The following PNPLA7 variants were observed in gnomAD, a reference collection of about 807,000 sequenced individuals.
The protein encoded by PNPLA7 is patatin like domain 7, lysophospholipase.
PNPLA7 carries 153 observed loss-of-function variants against 161.7 expected under a neutral mutation model. That is an observed-to-expected ratio of 0.95 (90% CI 0.83 to 1.08). The LOEUF is 1.08. Among genes scored for constraint, PNPLA7 ranks in the 50% least tolerant of loss-of-function variants. The pLI is 0.00. For synonymous variants in PNPLA7, 809 were observed against 782.1 expected (o/e 1.03, Z -0.57); for missense variants, 1,739 against 1,856.6 (o/e 0.94, Z 1.16).
intron 1 of PNPLA7, among the ~76,000 whole-genome samples, chr9:137,548,163 G>A (rs554307475): frequency 2.0e-5 from 3 of 152,336 alleles, no homozygotes; most frequent in African/African-American, 4.8e-5. Flanking sequence ...GTCCAGGTCC[G>A]CGGGAGGGAG....
intron 24 of PNPLA7, 193 bp from the exon 25 acceptor site, chr9:137,478,345 C>T (rs1588557929): frequency 4.9e-6 from 2 of 408,540 alleles, no homozygotes; most frequent in East Asian, 3.6e-5. Context: ...CCAGAGACAG[C>T]TCAGCTACTG....
At chr9:137,517,393 C>T (rs1564343040) in intron 11 of PNPLA7, among the ~76,000 whole-genome samples, 1 of 72,116 alleles carries the variant, frequency 1.4e-5, no homozygotes, top group Non-Finnish European at 2.6e-5. Flanking sequence ...TCACTCCACT[C>T]TGTCCACTCC....
Position 137,467,520 on chromosome 9 carries a change from G to T in PNPLA7, c.2883-47C>A. 1 of 1,598,618 alleles carries T rather than the reference G, an allele frequency of 6.3e-7. No individual in the cohort carries two copies. Among genetic ancestry groups the T allele is most frequent in the Non-Finnish European group, 8.5e-7 (1 of 1,172,534 alleles). On this transcript the variant is annotated intron_variant, in intron 25 of 34. Coordinates refer to ENST00000406427, the MANE Select transcript of PNPLA7 (RefSeq NM_001098537.3). This position sits in a 1 kb window ranked among gnomAD's most constrained non-coding sequence, Gnocchi z 5.1. Reference sequence around the variant, plus strand: ...AGCAAGGAGTGAGTACCAGGCCCAGGCTGCGCCCTGCAGAGGCCTTGTGCT... The same window carrying T: ...AGCAAGGAGTGAGTACCAGGCCCAGTCTGCGCCCTGCAGAGGCCTTGTGCT...
chr9:137,518,370 CCACTCTG>C, intron 11 of PNPLA7, among the ~76,000 whole-genome samples: 1 of 94,936 alleles, frequency 1.1e-5, no homozygotes, highest in Non-Finnish European at 2.1e-5. Context: ...CTCACTCATT[CCACTCTG>C]TCCACTCCAT....
At chr9:137,517,219 C>G (rs1834642595) in intron 11 of PNPLA7, among the ~76,000 whole-genome samples, 1 of 122,060 alleles carries the variant, frequency 8.2e-6, no homozygotes. Context: ...TCACTCACTC[C>G]ACTCTGTCCA....
intron 19 of PNPLA7, 77 bp from the exon 20 acceptor site, chr9:137,493,159 A>C: frequency 6.9e-7 from 1 of 1,453,674 alleles, no homozygotes; most frequent in Non-Finnish European, 9.6e-7. Context: ...GTGATGCTCA[A>C]CAACAGCGAG....
In PNPLA7 at chr9:137,498,108, C is replaced by T. The variant is rs1833164734; in HGVS notation, c.1889+6G>A. ...GATGCGGAGTGTGTGGCACCCACGG[C>T]CTCACCTGTATATTGCTCGCCCGGC... On this transcript the variant is annotated splice_donor_region_variant and intron_variant, in intron 17 of 34. Transcript: ENST00000406427. The T allele has an allele frequency of 6.2e-7, 1 of 1,612,340 alleles. No homozygotes were observed. Among genetic ancestry groups the T allele is most frequent in the Non-Finnish European group, 8.5e-7 (1 of 1,179,646 alleles).
chr9:137,505,544 C>A, intron 14 of PNPLA7, 70 bp downstream of exon 14: 2 of 1,567,282 alleles, frequency 1.3e-6, no homozygotes, highest in Non-Finnish European at 1.7e-6. Context: ...AACCACTGCC[C>A]AACAGAGGCA....
intron 33 of PNPLA7, 69 bp downstream of exon 33, chr9:137,461,467 G>T: frequency 1.4e-6 from 2 of 1,469,570 alleles, no homozygotes; most frequent in Non-Finnish European, 1.9e-6. Context: ...GGGGTGGGGG[G>T]GTTCAAGCCC....
rs564313625 is a variant in PNPLA7 at position 137,463,615 on chromosome 9, G to A, written c.3227-84C>T. On this transcript the variant is annotated intron_variant, in intron 28 of 34. Coordinates refer to ENST00000406427, the MANE Select transcript of PNPLA7 (RefSeq NM_001098537.3). ...TTCAGGGCCTTGCCACTGCAGTCCT[G>A]GAGCTGGTAGGTCCCAACTCTCTGA... 4.1e-5 allele frequency: 41 copies of A among 997,002 alleles called. No individual in the cohort carries two copies. The South Asian group carries it at 5.3e-4, about 13-fold the overall frequency. 61.8% of individuals were successfully genotyped at this position (997,002 alleles called of 1,614,324 possible). A position where few individuals can be genotyped will look rare whatever the true frequency, so the allele number is the denominator to read the frequency against.
In PNPLA7 at chr9:137,480,778, CCAG is replaced by C. The variant is rs1021711284; in HGVS notation, c.2411+179_2411+181del. The C allele has an allele frequency of 4.1e-5, 33 of 807,486 alleles. No individual in the cohort carries two copies. The African/African-American group carries it at 5.5e-4, about 13-fold the overall frequency. The allele number at this position is 807,486 out of a possible 1,614,324, so 50.0% of individuals were successfully genotyped here. A position where few individuals can be genotyped will look rare whatever the true frequency, so the allele number is the denominator to read the frequency against. ...GGTCCCCTGGGAGGCCTGACAGTGC[CCAG>C]CAGGTCAGCGCTGCCCAGTGTGTCC... On this transcript the variant is annotated intron_variant, in intron 22 of 34. Coordinates refer to ENST00000406427, the MANE Select transcript of PNPLA7 (RefSeq NM_001098537.3).
At chr9:137,472,389 G>GC (rs1026482469) in intron 25 of PNPLA7, among the ~76,000 whole-genome samples, 2 of 151,890 alleles carry the variant, frequency 1.3e-5, no homozygotes, top group African/African-American at 4.8e-5. Context: ...TAAATTACAA[G>GC]CCTGTAATCC....
At chr9:137,528,177 G>A (rs190571723) in intron 8 of PNPLA7, among the ~76,000 whole-genome samples, 74 of 152,142 alleles carry the variant, frequency 4.9e-4, no homozygotes, top group African/African-American at 1.7e-3. Context: ...TTTTACTGAC[G>A]TCTTCCAAGA....
intron 32 of PNPLA7, 48 bp downstream of exon 32, chr9:137,461,883 C>A (rs536013796): frequency 1.6e-5 from 23 of 1,451,420 alleles, no homozygotes; most frequent in Non-Finnish European, 2.1e-5. Context: ...GCCCGAAGAA[C>A]TGGGCGCGGT....
intron 14 of PNPLA7, among the ~76,000 whole-genome samples, chr9:137,502,802 G>A (rs185431278): frequency 2.8e-4 from 38 of 137,572 alleles, no homozygotes; most frequent in South Asian, 4.9e-4. Context: ...GGCACTGAAC[G>A]CACGGCTGAA....
In PNPLA7 at chr9:137,543,666, G is replaced by A; in HGVS notation, c.365+58C>T. The A allele has an allele frequency of 1.2e-6, 2 of 1,612,070 alleles. No homozygotes were observed. Among genetic ancestry groups the A allele is most frequent in the Non-Finnish European group, 1.7e-6 (2 of 1,178,636 alleles). ...ACACACCAGGCAGCTCAGGGTTGGG[G>A]AGGCCAGCACCATGGGGGGCACCTG... On this transcript the variant is annotated intron_variant, in intron 5 of 34. Coordinates refer to ENST00000406427, the MANE Select transcript of PNPLA7 (RefSeq NM_001098537.3). The surrounding 1 kb of genome is among the most constrained non-coding windows in gnomAD (Gnocchi z 6.9).
chr9:137,504,404 G>A (rs1461213252), intron 14 of PNPLA7, among the ~76,000 whole-genome samples: 1 of 152,204 alleles, frequency 6.6e-6, no homozygotes, highest in African/African-American at 2.4e-5. Context: ...TAGAAACAGA[G>A]TTTCACCATG....
At chr9:137,493,119 TA>T (rs1226360791) in intron 19 of PNPLA7, 37 bp from the exon 20 acceptor site, 1 of 1,604,594 alleles carries the variant, frequency 6.2e-7, no homozygotes. Flanking sequence ...CCACACGTTT[TA>T]AACTGAGAAA....
At chr9:137,479,940 G>A in intron 23 of PNPLA7, 1 of 967,838 alleles carries the variant, frequency 1.0e-6, no homozygotes, top group Non-Finnish European at 1.2e-6. Context: ...AGCAGTGAGA[G>A]GAACAGGAAC....
Sources: allele counts gnomAD v4.1 joint callset (sites outside exome capture counted in the v4.1 genomes callset), GRCh38; gene constraint gnomAD v4.1.1; non-coding constraint Gnocchi (gnomAD v3.1); transcripts MANE v1.5; gene names NCBI Gene and HGNC (gene_info 2026-07-23, HGNC 2026-07-21).